Variants in LRRC37A2 observed in about 807,000 individuals in gnomAD.
LRRC37A2 encodes leucine-rich repeat-containing protein 37A2.
In LRRC37A2, 9 loss-of-function variants were observed where a neutral mutation model predicts 68.8. The ratio of observed to expected loss-of-function variants is 0.13; its 90% confidence interval spans 0.08 to 0.23. LRRC37A2 has a LOEUF of 0.23. LRRC37A2 is among the 10% of genes least tolerant of loss of function. LRRC37A2 has a pLI of 1.00. For synonymous variants in LRRC37A2, 63 were observed against 367.6 expected, an observed-to-expected ratio of 0.17 and a Z score of 9.48; for missense variants, 168 against 950.4, an observed-to-expected ratio of 0.18 and a Z score of 10.82.
the LRRC37A2 span, among the ~76,000 whole-genome samples, chr17:47,040,355 C>T: frequency 2.0e-5 from 3 of 151,672 alleles, no homozygotes; most frequent in East Asian, 1.9e-4. Flanking sequence ...TTTCTCCCCC[C>T]ACCAAGTGTT....
the LRRC37A2 span, among the ~76,000 whole-genome samples, chr17:47,027,877 G>A: frequency 6.6e-6 from 1 of 152,144 alleles, no homozygotes; most frequent in Non-Finnish European, 1.5e-5. Context: ...AATGTCCGGA[G>A]ACAGTTTTGG....
the LRRC37A2 span, chr17:46,929,786 C>T: frequency 1.8e-6 from 1 of 563,002 alleles, no homozygotes; most frequent in Non-Finnish European, 3.2e-6. Flanking sequence ...GTCTTATCCC[C>T]CATTACCCCT....
At chr17:47,026,279 G>A in the LRRC37A2 span, among the ~76,000 whole-genome samples, 1 of 152,204 alleles carries the variant, frequency 6.6e-6, no homozygotes, top group African/African-American at 2.4e-5. Flanking sequence ...GGAATGCCAT[G>A]AGTACCCGTA....
the LRRC37A2 span, among the ~76,000 whole-genome samples, chr17:47,026,556 T>A: frequency 3.3e-5 from 5 of 152,144 alleles, no homozygotes; most frequent in African/African-American, 1.2e-4. Context: ...TCTGGAGAGT[T>A]TATATGATGA....
the LRRC37A2 span, among the ~76,000 whole-genome samples, chr17:46,697,662 A>G: frequency 6.9e-6 from 1 of 145,826 alleles, no homozygotes; most frequent in Non-Finnish European, 1.5e-5. Context: ...GTCTTTATAT[A>G]ATGGATCCAT....
the LRRC37A2 span, among the ~76,000 whole-genome samples, chr17:46,740,637 A>T: frequency 1.3e-5 from 2 of 151,178 alleles, no homozygotes; most frequent in African/African-American, 4.9e-5. Context: ...ATACTATGGC[A>T]TGGTCAGTAC....
chr17:46,978,951 G>T, the LRRC37A2 span: 1 of 1,452,622 alleles, frequency 6.9e-7, no homozygotes, highest in African/African-American at 1.5e-5. Context: ...CCCCGGCGCC[G>T]CCGCCCACGC....
chr17:46,757,673 A>G, the LRRC37A2 span, among the ~76,000 whole-genome samples: 2 of 151,704 alleles, frequency 1.3e-5, no homozygotes, highest in Non-Finnish European at 2.9e-5. Flanking sequence ...ATATACAACC[A>G]TCTTTATGCT....
chr17:46,742,784 T>A, the LRRC37A2 span, among the ~76,000 whole-genome samples: 1 of 152,178 alleles, frequency 6.6e-6, no homozygotes, highest in African/African-American at 2.4e-5. Flanking sequence ...GTTTCTACCA[T>A]CGGGGAGTTG....
At chr17:46,751,813 C>CA in the LRRC37A2 span, among the ~76,000 whole-genome samples, 4 of 152,078 alleles carry the variant, frequency 2.6e-5, no homozygotes, top group Non-Finnish European at 5.9e-5. Flanking sequence ...TCTTAAAATT[C>CA]AAAAATGGAA....
At chr17:46,386,044 T>C in the LRRC37A2 span, among the ~76,000 whole-genome samples, 1 of 121,644 alleles carries the variant, frequency 8.2e-6, no homozygotes, top group Non-Finnish European at 1.8e-5. Context: ...TGCTGCAGTA[T>C]GGTGAATTAG....
chr17:46,860,911 T>C, the LRRC37A2 span, among the ~76,000 whole-genome samples: 1 of 152,192 alleles, frequency 6.6e-6, no homozygotes, highest in Non-Finnish European at 1.5e-5. Flanking sequence ...CAGACTAGAG[T>C]GCAATGGCTT....
the LRRC37A2 span, among the ~76,000 whole-genome samples, chr17:46,841,399 T>C: frequency 6.6e-6 from 1 of 152,118 alleles, no homozygotes; most frequent in Non-Finnish European, 1.5e-5. Context: ...AAGTCATGCA[T>C]CGATATTCAT....
At chr17:46,775,450 TGTCAGGG>T in the LRRC37A2 span, among the ~76,000 whole-genome samples, 2 of 152,096 alleles carry the variant, frequency 1.3e-5, no homozygotes, top group African/African-American at 4.8e-5. Flanking sequence ...CAGGCTCAGT[TGTCAGGG>T]GGAGAGGCAG....
the LRRC37A2 span, among the ~76,000 whole-genome samples, chr17:46,732,170 A>ATACT: frequency 3.3e-5 from 5 of 152,232 alleles, no homozygotes; most frequent in Non-Finnish European, 7.3e-5. Flanking sequence ...AGGAGGAACT[A>ATACT]TACTTATATA....
At chr17:46,861,319 G>A in the LRRC37A2 span, among the ~76,000 whole-genome samples, 1 of 152,028 alleles carries the variant, frequency 6.6e-6, no homozygotes, top group Non-Finnish European at 1.5e-5. Flanking sequence ...CCTGCTGTTG[G>A]CTGAGTCCCA....
the LRRC37A2 span, chr17:46,936,192 T>G: frequency 4.7e-3 from 4,666 of 985,526 alleles, 10 homozygotes; most frequent in Non-Finnish European, 5.4e-3. Flanking sequence ...TGCAGTGACC[T>G]GAACTGATAC....
At chr17:46,657,557 A>G in the LRRC37A2 span, among the ~76,000 whole-genome samples, 1 of 121,062 alleles carries the variant, frequency 8.3e-6, no homozygotes, top group Non-Finnish European at 1.7e-5. Flanking sequence ...AGGTCTGTAC[A>G]TAAGTTCTGC....
At chr17:46,858,351 T>G in the LRRC37A2 span, among the ~76,000 whole-genome samples, 1 of 152,254 alleles carries the variant, frequency 6.6e-6, no homozygotes, top group Non-Finnish European at 1.5e-5. Context: ...TTTTTAATTT[T>G]GATGAAGTCC....
Sources: gnomAD v4.1 joint callset for allele counts (sites outside exome capture counted in the v4.1 genomes callset) on GRCh38, gnomAD v4.1.1 for gene constraint, MANE v1.5 for transcripts, NCBI Gene and HGNC (gene_info 2026-07-23, HGNC 2026-07-21) for gene names.